Variants in LPP observed in about 807,000 individuals in gnomAD.
LPP encodes the protein LIM domain containing preferred translocation partner in lipoma, also known as lipoma-preferred partner.
A neutral mutation model predicts 60.4 loss-of-function variants in LPP; 38 were observed. The ratio of observed to expected loss-of-function variants is 0.63; its 90% CI spans 0.49 to 0.83. LPP has a LOEUF of 0.83. LPP is among the 40% of genes least tolerant of loss of function. The probability of loss-of-function intolerance (pLI) is 0.00; values close to 1 mark genes in which losing one functional copy is unlikely to be tolerated. For synonymous variants in LPP, 328 were observed against 290.8 expected, an observed-to-expected ratio of 1.13 and a Z score of -1.30; for missense variants, 902 against 783.6, an observed-to-expected ratio of 1.15 and a Z score of -1.80.
intron 5 of LPP, among the ~76,000 whole-genome samples, chr3:188,492,799 A>G (rs940537260): frequency 6.6e-6 from 1 of 152,244 alleles, no homozygotes; most frequent in African/African-American, 2.4e-5. Flanking sequence ...TGATCTGCTT[A>G]TATGTCCTGC....
At chr3:188,509,873 G>GTTTTTTTTTTTT (rs35389820) in intron 5 of LPP, among the ~76,000 whole-genome samples, 6 of 111,040 alleles carry the variant, frequency 5.4e-5, no homozygotes, top group African/African-American at 7.2e-5. Flanking sequence ...TTTTTTTGTT[G>GTTTTTTTTTTTT]TTTTTTTTTT....
intron 6 of LPP, among the ~76,000 whole-genome samples, chr3:188,596,824 G>T (rs1167732561): frequency 6.6e-6 from 1 of 152,270 alleles, no homozygotes; most frequent in Non-Finnish European, 1.5e-5. Flanking sequence ...GTGAACGAGG[G>T]TCTGTTTGTT....
intron 1 of LPP, among the ~76,000 whole-genome samples, chr3:188,156,362 C>T (rs1436769132): frequency 3.3e-5 from 5 of 151,956 alleles, no homozygotes; most frequent in Non-Finnish European, 5.9e-5. Flanking sequence ...AAATGATGGA[C>T]GGGAGAGGAA....
At chr3:188,445,783 T>G (rs1051915094) in intron 4 of LPP, among the ~76,000 whole-genome samples, 7 of 152,100 alleles carry the variant, frequency 4.6e-5, no homozygotes, top group African/African-American at 1.2e-4. Context: ...TATAAACAAA[T>G]AAATATATAA....
At chr3:188,313,129 A>G (rs1753967391) in intron 2 of LPP, among the ~76,000 whole-genome samples, 1 of 117,266 alleles carries the variant, frequency 8.5e-6, no homozygotes, top group African/African-American at 4.8e-5. Flanking sequence ...AACTTAAAAT[A>G]TTAAAAAAAA....
intron 4 of LPP, among the ~76,000 whole-genome samples, chr3:188,424,320 G>A (rs1459566605): frequency 6.6e-6 from 1 of 152,136 alleles, no homozygotes; most frequent in Non-Finnish European, 1.5e-5. Flanking sequence ...CTATATATCT[G>A]TTTTGGTACC....
intron 9 of LPP, among the ~76,000 whole-genome samples, chr3:188,776,311 A>G (rs1305370942): frequency 2.0e-5 from 3 of 152,142 alleles, no homozygotes; most frequent in African/African-American, 4.8e-5. Context: ...GTAGGAATGG[A>G]TAAGGGGGAA....
chr3:188,685,913 C>CTCTTTGAGA (rs1176596021), intron 7 of LPP, among the ~76,000 whole-genome samples: 1 of 152,108 alleles, frequency 6.6e-6, no homozygotes, highest in Non-Finnish European at 1.5e-5. Context: ...GGAATGTCCA[C>CTCTTTGAGA]TCTTTGAGAT....
At chr3:188,796,982 C>T (rs532627906) in intron 9 of LPP, among the ~76,000 whole-genome samples, 18 of 152,286 alleles carry the variant, frequency 1.2e-4, no homozygotes, top group African/African-American at 4.1e-4. Context: ...CCTTCTAAAA[C>T]TTCCACTAAC....
intron 8 of LPP, among the ~76,000 whole-genome samples, chr3:188,726,713 C>G (rs535971330): frequency 6.6e-6 from 1 of 152,210 alleles, no homozygotes; most frequent in East Asian, 1.9e-4. Flanking sequence ...TGTTTCTTTT[C>G]CATTTTTTGT....
intron 2 of LPP, chr3:188,239,982 T>C (rs1195600259): frequency 5.1e-6 from 1 of 197,400 alleles, no homozygotes; most frequent in Non-Finnish European, 1.0e-5. Context: ...TCAGAGAAAC[T>C]GAGGCCCAGA....
At chr3:188,297,052 G>A (rs937620797) in intron 2 of LPP, among the ~76,000 whole-genome samples, 1 of 152,206 alleles carries the variant, frequency 6.6e-6, no homozygotes. Flanking sequence ...GGGGAAAAAA[G>A]TGGGAGGCTA....
rs1449528930 is a variant in LPP, at chr3:188,525,499, T to A, written c.429+712T>A. On this transcript the variant is annotated intron_variant, in intron 6 of 11. Transcript: ENST00000617246. Reference sequence around the variant, plus strand: ...GATATTTTGTTACATGTTGTTATAGTTTTCACAAATATGACTTAGCTTGGC... The same window carrying A: ...GATATTTTGTTACATGTTGTTATAGATTTCACAAATATGACTTAGCTTGGC... Among the ~76,000 whole-genome samples, 4 of 152,250 alleles carry A rather than the reference T, an allele frequency of 2.6e-5. 1 individual carries two copies. Among genetic ancestry groups the A allele is most frequent in the Non-Finnish European group, 5.9e-5 (4 of 68,046 alleles).
chr3:188,766,006 G>A (rs1420072109), intron 9 of LPP, among the ~76,000 whole-genome samples: 1 of 151,208 alleles, frequency 6.6e-6, no homozygotes, highest in Non-Finnish European at 1.5e-5. Context: ...GAGTAGCTGG[G>A]ATTACAGGCG....
At position 188,522,821 on chromosome 3, in the gene LPP, ATGTG is replaced by A. The variant is rs1194970078; in HGVS notation, c.307-1836_307-1833del. Among the ~76,000 whole-genome samples the A allele has an allele frequency of 5.1e-3, 681 of 134,778 alleles. 4 individuals are homozygous for A. The highest frequency in any genetic ancestry group is 8.1e-3 in the Non-Finnish European group (508 of 62,680). 88.4% of individuals were successfully genotyped at this position (134,778 alleles called of 152,430 possible). A position where few individuals can be genotyped will look rare whatever the true frequency, so the allele number is the denominator to read the frequency against. ...TATATATATATATATATATATGTGT[ATGTG>A]TGTGTGTATGTGTGTGTACGTGTGT... On this transcript the variant is annotated intron_variant, in intron 5 of 11. Transcript: ENST00000617246.
intron 9 of LPP, among the ~76,000 whole-genome samples, chr3:188,841,791 A>G (rs1260880298): frequency 6.6e-6 from 1 of 152,184 alleles, no homozygotes; most frequent in East Asian, 1.9e-4. Flanking sequence ...TAGGTATTTT[A>G]TTCTCTTTGT....
At position 188,850,120 on chromosome 3, in the gene LPP, T is replaced by G. The variant is rs184603113; in HGVS notation, c.1411-16080T>G. ...ATGAAGTTTTTAGTTTTTATCTGCC[T>G]GAGTGAGTCTGATGTGCTATTGTGT... On this transcript the variant is annotated intron_variant, in intron 9 of 11. Coordinates refer to ENST00000617246, the MANE Select transcript of LPP (RefSeq NM_001375462.1). Among the ~76,000 whole-genome samples, 37 of 152,362 alleles carry G rather than the reference T, an allele frequency of 2.4e-4. No individual in the cohort carries two copies. In the East Asian group the frequency reaches 5.8e-3, roughly 24 times the overall value.
Position 188,833,637 on chromosome 3 carries a change from T to G in LPP, c.1411-32563T>G, listed in dbSNP as rs143036629. On this transcript the variant is annotated intron_variant, in intron 9 of 11. Transcript: ENST00000617246. Reference sequence around the variant, plus strand: ...TTGGCAGTGTATCTGACGAAAGATTTCACTAAGCAAAATGTCTTCACTTAC... The same window carrying G: ...TTGGCAGTGTATCTGACGAAAGATTGCACTAAGCAAAATGTCTTCACTTAC... Among the ~76,000 whole-genome samples the G allele has an allele frequency of 1.2e-3, 187 of 152,268 alleles. 2 individuals carry two copies. Among genetic ancestry groups the G allele is most frequent in the Middle Eastern group, 0.01 (3 of 294 alleles).
At chr3:188,263,956 C>G (rs1316150831) in intron 2 of LPP, among the ~76,000 whole-genome samples, 1 of 152,204 alleles carries the variant, frequency 6.6e-6, no homozygotes, top group Admixed American at 6.5e-5. Context: ...ATCCCCTTAA[C>G]AGACTTTTAT....
Sources: gnomAD v4.1 joint callset for allele counts (sites outside exome capture counted in the v4.1 genomes callset) on GRCh38, gnomAD v4.1.1 for gene constraint, MANE v1.5 for transcripts, NCBI Gene and HGNC (gene_info 2026-07-23, HGNC 2026-07-21) for gene names.